The following FAM118A variants were observed in gnomAD, a reference collection of about 807,000 sequenced individuals.
The protein encoded by FAM118A is SIR2 antiphage like 2.
A neutral mutation model predicts 38.2 loss-of-function variants in FAM118A; 25 were observed. The ratio of observed to expected loss-of-function variants is 0.65; its 90% CI spans 0.48 to 0.91. The LOEUF is 0.91. Among genes scored for constraint, FAM118A ranks in the 40% least tolerant of loss-of-function variants. The pLI, the probability that FAM118A is intolerant of heterozygous loss-of-function variation, is 0.00. For synonymous variants in FAM118A, 178 were observed against 184.1 expected, an observed-to-expected ratio of 0.97 and a Z score of 0.27; for missense variants, 425 against 463.3, an observed-to-expected ratio of 0.92 and a Z score of 0.76.
intron 7 of FAM118A, among the ~76,000 whole-genome samples, chr22:45,335,983 C>T (rs1327777302): frequency 1.3e-5 from 2 of 152,196 alleles, no homozygotes; most frequent in East Asian, 3.9e-4. Flanking sequence ...TTTTCCCTGG[C>T]TGTTTGGCCC....
intron 3 of FAM118A, among the ~76,000 whole-genome samples, chr22:45,326,604 A>G (rs2085284334): frequency 6.6e-6 from 1 of 152,152 alleles, no homozygotes. Context: ...AGGCAGGTGG[A>G]TCACCTGAGG....
At position 45,314,216 on chromosome 22, in the gene FAM118A, C is replaced by T. The variant is rs1227060083; in HGVS notation, c.-10+4033C>T. ...TGGCCCTCCTTATCTGTTCCCACCC[C>T]GCCCCCCAAGCTAACATGGACAGTT... is the stretch of plus-strand genomic sequence containing the variant. On this transcript the variant is annotated intron_variant, in intron 1 of 8. Coordinates refer to ENST00000441876, the MANE Select transcript of FAM118A (RefSeq NM_017911.4). 2.6e-5 allele frequency among the ~76,000 whole-genome samples: 4 copies of T among 152,268 alleles called. No individual in the cohort carries two copies. In the East Asian group the frequency reaches 5.8e-4, roughly 22 times the overall value.
chr22:45,330,648 A>T lies in FAM118A; in HGVS notation c.568A>T (p.Ile190Phe). The T allele has an allele frequency of 6.3e-7, 1 of 1,598,902 alleles. No individual in the cohort carries two copies. The highest frequency in any genetic ancestry group is 1.8e-5 in the Admixed American group (1 of 55,678). The stretch of plus-strand genomic sequence containing the variant: ...GCACATGAAGTACGGCGTCCTCCAC[A>T]TTCACGGCCTCTACACGGACCCCTG... ...RGHMKYGVLH[I>F]HGLYTDPCGV... The change falls in exon 5 of 9, where the codon ATT becomes TTT. Residue 190 changes from isoleucine (I) to phenylalanine (F), a missense_variant. Physicochemically the swap from Ile to Phe is conservative, Grantham distance 21 (BLOSUM62 0). Transcript: ENST00000441876.
chr22:45,311,416 T>G (rs2084360306), intron 1 of FAM118A, among the ~76,000 whole-genome samples: 1 of 152,120 alleles, frequency 6.6e-6, no homozygotes, highest in South Asian at 2.1e-4. Context: ...GCCATTGTCC[T>G]GAGAAATGAT....
At chr22:45,334,373 G>A (rs975664249) in intron 6 of FAM118A, among the ~76,000 whole-genome samples, 2 of 152,222 alleles carry the variant, frequency 1.3e-5, no homozygotes, top group Non-Finnish European at 2.9e-5. Context: ...GTGACCAGCT[G>A]TGAACTTGGA....
intron 5 of FAM118A, among the ~76,000 whole-genome samples, chr22:45,331,587 T>C (rs892972915): frequency 8.5e-5 from 13 of 152,244 alleles, no homozygotes; most frequent in African/African-American, 2.6e-4. Context: ...AAGCTGTGCT[T>C]CTGGTAAGCA....
intron 4 of FAM118A, chr22:45,329,008 A>C (rs1261137145): frequency 6.5e-6 from 1 of 153,750 alleles, no homozygotes; most frequent in Non-Finnish European, 1.4e-5. Flanking sequence ...AAATGACCAG[A>C]TTTCTCAAGA....
At chr22:45,337,062 C>T (rs1238470158) in intron 8 of FAM118A, among the ~76,000 whole-genome samples, 1 of 152,234 alleles carries the variant, frequency 6.6e-6, no homozygotes, top group African/African-American at 2.4e-5. Context: ...CCTCCTCCTC[C>T]TCCCAGGTTT....
chr22:45,328,744 C>A, intron 4 of FAM118A: 1 of 456,078 alleles, frequency 2.2e-6, no homozygotes, highest in Non-Finnish European at 4.0e-6. Context: ...GATCACTGTA[C>A]TCCAGCCTGG....
chr22:45,337,968 G>A (rs2086223280), intron 8 of FAM118A: 1 of 907,506 alleles, frequency 1.1e-6, no homozygotes, highest in Non-Finnish European at 1.3e-6. Flanking sequence ...GTGATTTGAA[G>A]GTACCCGTTG....
chr22:45,322,062 C>A (rs956523757), intron 1 of FAM118A: 1 of 618,306 alleles, frequency 1.6e-6, no homozygotes. Context: ...CAAGAGACAG[C>A]GAAAACCCCA....
rs1327574743 is a variant in FAM118A, at chr22:45,323,331, G to C, written c.204G>C (p.Val68=). 6.2e-7 allele frequency: 1 copy of C among 1,614,150 alleles called. No homozygotes were observed. The highest frequency in any genetic ancestry group is 2.2e-5 in the East Asian group (1 of 44,886). The part of the protein sequence containing the change: ...AVIEAAEQLE[V]LHPGDVAEFR... ...TCGAGGCTGCAGAGCAGCTGGAGGT[G>C]CTGCACCCCGGAGACGTCGCCGAGT... Residue 68 remains valine, a synonymous_variant, in exon 3 of 9, where the codon GTG becomes GTC. Coordinates refer to ENST00000441876, the MANE Select transcript of FAM118A (RefSeq NM_017911.4).
In FAM118A at chr22:45,332,422, T is replaced by A; in HGVS notation, c.652-3T>A. On this transcript the variant is annotated splice_polypyrimidine_tract_variant and splice_region_variant and intron_variant, in intron 5 of 8. Transcript: ENST00000441876. ...ACTCAATTTCTTCATTGGCCTTTTC[T>A]AGGAAGTCCTCCAGAACTTATACCG... 1 of 1,606,260 alleles carries A rather than the reference T, an allele frequency of 6.2e-7. No homozygotes were observed. The highest frequency in any genetic ancestry group is 2.2e-5 in the East Asian group (1 of 44,814).
chr22:45,312,308 GTCAC>G (rs2084405598), intron 1 of FAM118A, among the ~76,000 whole-genome samples: 2 of 152,136 alleles, frequency 1.3e-5, no homozygotes, highest in Non-Finnish European at 2.9e-5. Context: ...TCGGACACCA[GTCAC>G]AAGCCTGAGC....
intron 3 of FAM118A, among the ~76,000 whole-genome samples, chr22:45,326,897 C>A (rs972191530): frequency 2.1e-5 from 3 of 144,210 alleles, no homozygotes; most frequent in African/African-American, 7.8e-5. Context: ...ATAGTCCCAG[C>A]TACTTGGGAG....
intron 1 of FAM118A, among the ~76,000 whole-genome samples, chr22:45,313,622 CA>C (rs1284265748): frequency 3.9e-5 from 6 of 152,072 alleles, no homozygotes; most frequent in African/African-American, 1.4e-4. Context: ...CACTCCCAGC[CA>C]AGTTGTGAGG....
chr22:45,333,674 CAAAAAAAA>C (rs541613789), intron 6 of FAM118A, among the ~76,000 whole-genome samples: 1 of 93,580 alleles, frequency 1.1e-5, no homozygotes, highest in East Asian at 3.0e-4. Flanking sequence ...ACTCTGTTTC[CAAAAAAAA>C]AAAAAAAAAA....
chr22:45,318,357 G>C (rs2084699536), intron 1 of FAM118A: 1 of 152,220 alleles, frequency 6.6e-6, no homozygotes, highest in South Asian at 2.1e-4. Context: ...ACACACCGTG[G>C]TGACGACATA....
Position 45,310,005 on chromosome 22 carries a change from C to A in FAM118A, c.-188C>A, listed in dbSNP as rs1057031535. ...CGTGGCGTCCGCTCTGGCTCCGACT[C>A]CGGCTCTCGCTCTCGCTTCTAGCCC... On this transcript the variant is annotated 5_prime_UTR_variant, in exon 1 of 9. Transcript: ENST00000441876. The A allele has an allele frequency of 6.6e-6, 1 of 152,212 alleles. No homozygotes were observed. Among genetic ancestry groups the A allele is most frequent in the Non-Finnish European group, 1.5e-5 (1 of 68,062 alleles). 9.4% of individuals were successfully genotyped at this position (152,212 alleles called of 1,614,324 possible). A position where few individuals can be genotyped will look rare whatever the true frequency, so the allele number is the denominator to read the frequency against.
Sources: gnomAD v4.1 joint callset for allele counts (sites outside exome capture counted in the v4.1 genomes callset) on GRCh38, gnomAD v4.1.1 for gene constraint, MANE v1.5 for transcripts, NCBI Gene and HGNC (gene_info 2026-07-23, HGNC 2026-07-21) for gene names.